Variants in CACNB2 observed in about 807,000 individuals in gnomAD.
CACNB2 encodes calcium voltage-gated channel auxiliary subunit beta 2.
A neutral mutation model predicts 73.3 loss-of-function variants in CACNB2; 42 were observed. The observed-to-expected ratio is 0.57, with a 90% CI of 0.45 to 0.74. The LOEUF is 0.74. Among genes scored for constraint, CACNB2 ranks in the 30% least tolerant of loss-of-function variants. The pLI, the probability that CACNB2 is intolerant of heterozygous loss-of-function variation, is 0.00. For synonymous variants in CACNB2, 348 were observed against 310.3 expected, an observed-to-expected ratio of 1.12 and a Z score of -1.28; for missense variants, 940 against 853.0, an observed-to-expected ratio of 1.10 and a Z score of -1.27.
intron 2 of CACNB2, among the ~76,000 whole-genome samples, chr10:18,334,239 A>C (rs941074558): frequency 6.6e-6 from 1 of 152,162 alleles, no homozygotes; most frequent in Non-Finnish European, 1.5e-5. Context: ...CCACGGTGTG[A>C]ATACGAGCTG....
At chr10:18,191,860 T>A (rs1320558019) in intron 2 of CACNB2, among the ~76,000 whole-genome samples, 1 of 152,196 alleles carries the variant, frequency 6.6e-6, no homozygotes, top group Non-Finnish European at 1.5e-5. Flanking sequence ...TTGTGTTGGT[T>A]CCATATTTTT....
intron 3 of CACNB2, among the ~76,000 whole-genome samples, chr10:18,442,162 T>G (rs1329270439): frequency 6.6e-6 from 1 of 152,068 alleles, no homozygotes; most frequent in Non-Finnish European, 1.5e-5. Flanking sequence ...ATTCTTTTTT[T>G]TATTGAGACG....
chr10:18,499,267 A>G (rs1046447902), intron 4 of CACNB2, among the ~76,000 whole-genome samples: 1 of 152,168 alleles, frequency 6.6e-6, no homozygotes, highest in Non-Finnish European at 1.5e-5. Flanking sequence ...GTATGTGTAA[A>G]TCGAAACTCT....
rs2031461623 is a variant in CACNB2 at position 18,150,853 on chromosome 10, GTC to G, written c.121-28_121-27del. On this transcript the variant is annotated intron_variant, in intron 1 of 13. Coordinates refer to ENST00000324631, the MANE Select transcript of CACNB2 (RefSeq NM_201596.3). The stretch of plus-strand genomic sequence containing the variant: ...AAAGGGTCTCATAATAATCTTATTT[GTC>G]TTTTTTTTTTTTTTTTTTTTTTTTT... 9 of 655,010 alleles carry G rather than the reference GTC, an allele frequency of 1.4e-5. No individual in the cohort carries two copies. The East Asian group carries it at 1.9e-4, about 14-fold the overall frequency. 40.6% of individuals were successfully genotyped at this position (655,010 alleles called of 1,614,324 possible).
intron 3 of CACNB2, among the ~76,000 whole-genome samples, chr10:18,478,222 A>G (rs11014429): frequency 0.061 from 9,329 of 152,192 alleles, 579 homozygotes; most frequent in African/African-American, 0.16. Context: ...GTGAGCCACC[A>G]TGCCTGGCCG....
chr10:18,490,643 C>T lies in CACNB2; in HGVS notation c.334-7712C>T, dbSNP rs150618004. Among the ~76,000 whole-genome samples the T allele has an allele frequency of 7.0e-4, 107 of 152,276 alleles. 2 individuals carry two copies. In the East Asian group the frequency reaches 0.014, roughly 21 times the overall value. ...AAGGACCATATTGTCTCCCAACCAA[C>T]GTAGTATCCTAATGATTCTGTAGAG... On this transcript the variant is annotated intron_variant, in intron 3 of 13. Coordinates refer to ENST00000324631, the MANE Select transcript of CACNB2 (RefSeq NM_201596.3).
At chr10:18,284,412 G>A (rs534738126) in intron 2 of CACNB2, among the ~76,000 whole-genome samples, 3 of 152,300 alleles carry the variant, frequency 2.0e-5, no homozygotes, top group East Asian at 1.9e-4. Context: ...ATCATATCAC[G>A]TAGTTGATCT....
At chr10:18,319,722 A>C (rs960375547) in intron 2 of CACNB2, among the ~76,000 whole-genome samples, 3 of 152,194 alleles carry the variant, frequency 2.0e-5, no homozygotes, top group Non-Finnish European at 2.9e-5. Context: ...AAACAAACCA[A>C]ATAAACTGAC....
At chr10:18,508,602 ATT>A (rs1477031014) in intron 6 of CACNB2, among the ~76,000 whole-genome samples, 1 of 152,152 alleles carries the variant, frequency 6.6e-6, no homozygotes, top group African/African-American at 2.4e-5. Flanking sequence ...AAATTCTTCC[ATT>A]CCCTCCAGCC....
intron 3 of CACNB2, among the ~76,000 whole-genome samples, chr10:18,473,973 C>T (rs2048316699): frequency 6.6e-6 from 1 of 152,164 alleles, no homozygotes; most frequent in African/African-American, 2.4e-5. Flanking sequence ...CACAAAATTG[C>T]TGGGCTTCCG....
At chr10:18,349,817 T>C (rs936925346) in intron 2 of CACNB2, among the ~76,000 whole-genome samples, 2 of 152,188 alleles carry the variant, frequency 1.3e-5, no homozygotes, top group East Asian at 1.9e-4. Context: ...ATGCTTAAAA[T>C]TGGCTCAAAT....
intron 2 of CACNB2, among the ~76,000 whole-genome samples, chr10:18,308,285 C>T (rs571659471): frequency 3.9e-5 from 6 of 152,174 alleles, no homozygotes; most frequent in Admixed American, 6.5e-5. Flanking sequence ...TGAACCACCA[C>T]GCCCAAGCTT....
At chr10:18,433,333 T>G (rs2045980408) in intron 3 of CACNB2, among the ~76,000 whole-genome samples, 1 of 152,306 alleles carries the variant, frequency 6.6e-6, no homozygotes, top group East Asian at 1.9e-4. Flanking sequence ...AAAAACCAGT[T>G]TCTCTTTTAT....
At chr10:18,446,692 A>G (rs1017159122) in intron 3 of CACNB2, among the ~76,000 whole-genome samples, 1 of 152,184 alleles carries the variant, frequency 6.6e-6, no homozygotes, top group Non-Finnish European at 1.5e-5. Flanking sequence ...AGCCTATAAT[A>G]TGCTAACATG....
At chr10:18,157,778 T>C (rs2032165119) in intron 2 of CACNB2, among the ~76,000 whole-genome samples, 1 of 152,238 alleles carries the variant, frequency 6.6e-6, no homozygotes, top group South Asian at 2.1e-4. Context: ...ACAATTTCAT[T>C]CTTTCATCTA....
intron 2 of CACNB2, among the ~76,000 whole-genome samples, chr10:18,179,362 C>G (rs1388239572): frequency 6.6e-6 from 1 of 152,140 alleles, no homozygotes; most frequent in African/African-American, 2.4e-5. Context: ...GTAAAAGGGA[C>G]AGTGAGTCAG....
chr10:18,209,994 T>C (rs1006432188), intron 2 of CACNB2, among the ~76,000 whole-genome samples: 10 of 152,190 alleles, frequency 6.6e-5, no homozygotes, highest in Non-Finnish European at 1.2e-4. Flanking sequence ...TTCTGAATAC[T>C]ACTGGGCCCT....
chr10:18,204,032 A>G (rs2034994686), intron 2 of CACNB2, among the ~76,000 whole-genome samples: 1 of 152,232 alleles, frequency 6.6e-6, no homozygotes, highest in Admixed American at 6.5e-5. Context: ...CAAAATGGCA[A>G]ATAAAAGAGG....
intron 2 of CACNB2, among the ~76,000 whole-genome samples, chr10:18,190,617 C>A (rs1256536569): frequency 6.6e-6 from 1 of 152,126 alleles, no homozygotes; most frequent in Non-Finnish European, 1.5e-5. Flanking sequence ...CAATCCACAA[C>A]CTCCCAGATA....
Sources: allele counts gnomAD v4.1 joint callset (sites outside exome capture counted in the v4.1 genomes callset), GRCh38; gene constraint gnomAD v4.1.1; transcripts MANE v1.5; gene names NCBI Gene and HGNC (gene_info 2026-07-23, HGNC 2026-07-21).